CYGB: variants seen among roughly 807,000 people sequenced by gnomAD.
CYGB encodes the protein cytoglobin.
CYGB carries 13 observed loss-of-function variants against 20.7 expected under a neutral mutation model. The observed-to-expected ratio is 0.63, with a 90% CI of 0.41 to 1.00. The LOEUF is 1.00. CYGB is among the 50% of genes least tolerant of loss of function. The pLI is 0.00. For synonymous variants in CYGB, 93 were observed against 107.4 expected (o/e 0.87, Z 0.83); for missense variants, 218 against 257.2 (o/e 0.85, Z 1.04).
chr17:76,529,621 G>T, intron 3 of CYGB: 1 of 985,410 alleles, frequency 1.0e-6, no homozygotes, highest in East Asian at 1.1e-4. Flanking sequence ...CTCATCTTTG[G>T]CAGCAGAGCC....
intron 1 of CYGB, among the ~76,000 whole-genome samples, chr17:76,534,146 T>TTCTCTCTCTCTC (rs71158013): frequency 0.022 from 2,786 of 128,910 alleles, 61 homozygotes; most frequent in South Asian, 0.034. Flanking sequence ...CTCTTTCTCT[T>TTCTCTCTCTCTC]TCTCTCTCTC....
At chr17:76,532,511 G>A (rs1197245360) in intron 1 of CYGB, among the ~76,000 whole-genome samples, 1 of 150,174 alleles carries the variant, frequency 6.7e-6, no homozygotes, top group African/African-American at 2.4e-5. Flanking sequence ...GGGCCCTGCA[G>A]TGTGAAAAAT....
Position 76,546,907 on chromosome 17 carries a change from G to A in CYGB, c.-53+3955C>T, listed in dbSNP as rs973714146. ...TGCTCAAGGTCACTCATAGCTGGCA[G>A]TGAAGCCAGGACCTGAGCCTGGGAA... On this transcript the variant is annotated intron_variant, in intron 1 of 3. Transcript: ENST00000589145. This position sits in a 1 kb window ranked among gnomAD's most constrained non-coding sequence, Gnocchi z 4.5. 1 of 152,248 alleles carries A rather than the reference G, an allele frequency of 6.6e-6. No homozygotes were observed. Among genetic ancestry groups the A allele is most frequent in the Non-Finnish European group, 1.5e-5 (1 of 68,044 alleles). 9.4% of individuals were successfully genotyped at this position (152,248 alleles called of 1,614,324 possible).
intron 1 of CYGB, chr17:76,544,488 G>A (rs185614691): frequency 1.4e-4 from 66 of 456,036 alleles, no homozygotes; most frequent in Non-Finnish European, 2.5e-4. Flanking sequence ...GGGTGTGTGC[G>A]AAGGCAGTTC....
chr17:76,534,975 G>A (rs767583595), intron 1 of CYGB, among the ~76,000 whole-genome samples: 1 of 152,250 alleles, frequency 6.6e-6, no homozygotes, highest in East Asian at 1.9e-4. Flanking sequence ...AGCCAGCCCT[G>A]GGGAGTTTCT....
rs1307974808 is a variant in CYGB, at chr17:76,530,002, A to G, written c.539+977T>C. 3.0e-6 allele frequency: 3 copies of G among 984,640 alleles called. No individual in the cohort carries two copies. Among genetic ancestry groups the G allele is most frequent in the Non-Finnish European group, 3.6e-6 (3 of 829,800 alleles). The allele number at this position is 984,640 out of a possible 1,614,324, so 61.0% of individuals were successfully genotyped here. ...TGGCGTCCCCAGCTGCCCTCAGGGG[A>G]CCTCCTCCAGGAGCTGTGCCTGTGA... On this transcript the variant is annotated intron_variant, in intron 3 of 3. Transcript: ENST00000293230. The surrounding 1 kb of genome is among the most constrained non-coding windows in gnomAD (Gnocchi z 6.1).
chr17:76,548,112 CACAT>C lies in CYGB; in HGVS notation c.-53+2746_-53+2749del, dbSNP rs754588935. Among the ~76,000 whole-genome samples the C allele has an allele frequency of 4.9e-3, 737 of 151,910 alleles. 3 individuals are homozygous for C. The highest frequency in any genetic ancestry group is 0.016 in the African/African-American group (673 of 41,422). On this transcript the variant is annotated intron_variant, in intron 1 of 3. Transcript: ENST00000589145. ...TAAAACAGACACACAGAAACACACA[CACAT>C]AATCACAGATACACATGCATACACA...
upstream of CYGB, chr17:76,540,249 G>T (rs1337961525): frequency 7.7e-4 from 1,093 of 1,411,650 alleles, 16 homozygotes; most frequent in Non-Finnish European, 9.7e-4. This position sits in a 1 kb window ranked among gnomAD's most constrained non-coding sequence, Gnocchi z 5.0. Flanking sequence ...CTGGCGGTTG[G>T]TCGGGGGGGG....
At chr17:76,542,503 T>G (rs371730918), upstream of CYGB, 1,754 of 1,609,150 alleles carry the variant, frequency 1.1e-3, 2 homozygotes, top group Middle Eastern at 5.1e-3. Context: ...GTCAGAAACA[T>G]GGGAAGGTCG....
At chr17:76,542,438 C>T, upstream of CYGB, 2 of 1,226,888 alleles carry the variant, frequency 1.6e-6, no homozygotes, top group Non-Finnish European at 2.4e-6. Context: ...TTAGGTGGTC[C>T]TGCCCCTCAA....
At chr17:76,539,737 C>T (rs1212805349), upstream of CYGB, among the ~76,000 whole-genome samples, 3 of 152,222 alleles carry the variant, frequency 2.0e-5, no homozygotes, top group African/African-American at 4.8e-5. Flanking sequence ...CCTCTTTAAA[C>T]GTTGCCCTGA....
At chr17:76,529,193 C>T in intron 3 of CYGB, 1 of 985,350 alleles carries the variant, frequency 1.0e-6, no homozygotes, top group African/African-American at 1.7e-5. Context: ...TCCATCCTAC[C>T]CTCGAGCCCA....
At chr17:76,529,042 G>T in intron 3 of CYGB, 2 of 826,070 alleles carry the variant, frequency 2.4e-6, no homozygotes, top group Non-Finnish European at 2.7e-6. Flanking sequence ...TGCAGTCATT[G>T]CGCCCCCCCC....
In CYGB at chr17:76,531,881, C is replaced by A; in HGVS notation, c.144-190G>T. The A allele has an allele frequency of 5.5e-6, 3 of 547,646 alleles. No homozygotes were observed. The South Asian group carries it at 7.1e-5, about 13-fold the overall frequency. The allele number at this position is 547,646 out of a possible 1,614,324, so 33.9% of individuals were successfully genotyped here. On this transcript the variant is annotated intron_variant, in intron 1 of 3. Transcript: ENST00000293230. The surrounding 1 kb of genome is among the most constrained non-coding windows in gnomAD (Gnocchi z 7.4). Reference sequence around the variant, plus strand: ...CTCTGGCCAAGCCGGCTCACCCCTACCAAGTCTGGCCATGTCTATCTGCCA... The same window carrying A: ...CTCTGGCCAAGCCGGCTCACCCCTAACAAGTCTGGCCATGTCTATCTGCCA...
intron 3 of CYGB, chr17:76,529,282 A>T: frequency 1.0e-6 from 1 of 985,388 alleles, no homozygotes; most frequent in Non-Finnish European, 1.2e-6. Context: ...TAAAGGGATG[A>T]GGGGACCACC....
upstream of CYGB, chr17:76,542,472 G>GGGA (rs777923534): frequency 7.9e-6 from 12 of 1,517,384 alleles, no homozygotes; most frequent in Non-Finnish European, 1.1e-5. Flanking sequence ...TGATAGGGAT[G>GGGA]GGAGGAGGAG....
chr17:76,543,728 G>A (rs1014256850), intron 1 of CYGB: 8 of 467,974 alleles, frequency 1.7e-5, no homozygotes, highest in African/African-American at 1.0e-4. Context: ...CTGTTAAGCC[G>A]CCACTTGTGG....
At chr17:76,544,806 A>C (rs1199376543) in intron 1 of CYGB, 8 of 456,684 alleles carry the variant, frequency 1.8e-5, no homozygotes, top group Admixed American at 2.3e-5. Flanking sequence ...CGAGTTGCTC[A>C]TCTCCTTCCA....
chr17:76,527,882 TG>T lies in CYGB; in HGVS notation c.*695del. 2.3e-6 allele frequency: 1 copy of T among 441,356 alleles called. No homozygotes were observed. The highest frequency in any genetic ancestry group is 1.6e-5 in the South Asian group (1 of 63,890). The allele number at this position is 441,356 out of a possible 1,614,324, so 27.3% of individuals were successfully genotyped here. ...TAGGGGGAGCCCACTCCTTTCTGCC[TG>T]GAAGTGGAATTCAGGAATGTGGGGA... On this transcript the variant is annotated 3_prime_UTR_variant, in exon 4 of 4. Transcript: ENST00000293230.
Sources: allele counts gnomAD v4.1 joint callset (sites outside exome capture counted in the v4.1 genomes callset), GRCh38; gene constraint gnomAD v4.1.1; non-coding constraint Gnocchi (gnomAD v3.1); transcripts MANE v1.5; gene names NCBI Gene and HGNC (gene_info 2026-07-23, HGNC 2026-07-21).